The following COL6A3 variants were observed in gnomAD, a reference collection of about 807,000 sequenced individuals.
The protein encoded by COL6A3 is collagen alpha-3(VI) chain.
In COL6A3, 137 loss-of-function variants were observed where a neutral mutation model predicts 274.1. The observed-to-expected ratio is 0.50, with a 90% CI of 0.44 to 0.58. The LOEUF (loss-of-function observed/expected upper bound fraction) is 0.58. Among genes scored for constraint, COL6A3 ranks in the 20% least tolerant of loss-of-function variants. The pLI, the probability that COL6A3 is intolerant of heterozygous loss-of-function variation, is 0.00. For synonymous variants in COL6A3, 1,650 were observed against 1,650.6 expected, an observed-to-expected ratio of 1.00 and a Z score of 0.01; for missense variants, 3,950 against 4,124.9, an observed-to-expected ratio of 0.96 and a Z score of 1.16.
At chr2:237,354,148 ATTAC>A (rs2077266530) in intron 24 of COL6A3, among the ~76,000 whole-genome samples, 1 of 151,502 alleles carries the variant, frequency 6.6e-6, no homozygotes, top group South Asian at 2.1e-4. Flanking sequence ...AGTAGCTGGA[ATTAC>A]AAGCTTACAA....
At chr2:237,337,606 A>G (rs1357607881) in intron 39 of COL6A3, among the ~76,000 whole-genome samples, 1 of 152,218 alleles carries the variant, frequency 6.6e-6, no homozygotes, top group Non-Finnish European at 1.5e-5. Context: ...TTGCGTTCAC[A>G]TCTCATCTGT....
intron 26 of COL6A3, 44 bp from the exon 27 acceptor site, chr2:237,351,236 T>C (rs1457940858): frequency 1.9e-6 from 3 of 1,593,206 alleles, no homozygotes; most frequent in Middle Eastern, 3.3e-4. Flanking sequence ...TGGCCAACCG[T>C]CCAGGCAAAT....
chr2:237,351,058 A>G, intron 27 of COL6A3, 72 bp downstream of exon 27: 1 of 1,439,934 alleles, frequency 6.9e-7, no homozygotes, highest in Non-Finnish European at 9.8e-7. Context: ...CAGACTGACC[A>G]AAGAGGGAGA....
intron 25 of COL6A3, among the ~76,000 whole-genome samples, chr2:237,352,830 T>G (rs138327763): frequency 6.6e-6 from 1 of 152,196 alleles, no homozygotes; most frequent in African/African-American, 2.4e-5. Context: ...TAGGAGAATC[T>G]TCACAGAAGC....
At chr2:237,393,319 G>A (rs997576315) in intron 3 of COL6A3, among the ~76,000 whole-genome samples, 2 of 152,112 alleles carry the variant, frequency 1.3e-5, no homozygotes, top group African/African-American at 2.4e-5. Context: ...CTTCCTGAAT[G>A]TTTTGTGACC....
At position 237,339,123 on chromosome 2, in the gene COL6A3, GA is replaced by G. The variant is rs111494366; in HGVS notation, c.8465-7del. ...CAAGTAAAAAGCATTTTCACCTAAA[GA>G]AAAAAAACAAAGAAAACAATTGAAC... On this transcript the variant is annotated splice_polypyrimidine_tract_variant and splice_region_variant and intron_variant, in intron 38 of 43. Coordinates refer to ENST00000295550, the MANE Select transcript of COL6A3 (RefSeq NM_004369.4). 8.6e-4 allele frequency: 1,366 copies of G among 1,597,396 alleles called. 17 individuals carry two copies. In the African/African-American group the frequency reaches 0.013, roughly 15 times the overall value.
At chr2:237,347,951 A>G (rs2077129562) in intron 30 of COL6A3, 82 bp from the exon 31 acceptor site, 2 of 1,311,584 alleles carry the variant, frequency 1.5e-6, no homozygotes, top group African/African-American at 1.5e-5. Flanking sequence ...GACATCCAGG[A>G]GACGTGTGGG....
rs549305354 is a variant in COL6A3, at chr2:237,340,426, C to T, written c.8464+26G>A. ...GCCCGAGCATAAAGCCAGGCCAGGG[C>T]ACATGCTGTGCCACGCAGGACTTAC... On this transcript the variant is annotated intron_variant, in intron 38 of 43. Coordinates refer to ENST00000295550, the MANE Select transcript of COL6A3 (RefSeq NM_004369.4). The T allele has an allele frequency of 6.9e-6, 11 of 1,604,604 alleles. No individual in the cohort carries two copies. The African/African-American group carries it at 8.0e-5, about 12-fold the overall frequency.
At chr2:237,390,888 A>G (rs1409011518) in intron 3 of COL6A3, among the ~76,000 whole-genome samples, 1 of 152,234 alleles carries the variant, frequency 6.6e-6, no homozygotes, top group Non-Finnish European at 1.5e-5. Context: ...TTTATATCTC[A>G]GGTATATTCA....
At chr2:237,325,299 T>C (rs1446940826) in intron 43 of COL6A3, among the ~76,000 whole-genome samples, 2 of 152,222 alleles carry the variant, frequency 1.3e-5, no homozygotes, top group African/African-American at 4.8e-5. Flanking sequence ...GAATCATTTT[T>C]GGTGCAATAT....
chr2:237,395,298 A>G, intron 2 of COL6A3, 94 bp from the exon 3 acceptor site: 1 of 1,296,516 alleles, frequency 7.7e-7, no homozygotes. Context: ...GGTTTACACT[A>G]TACTGCTACT....
chr2:237,345,976 G>A (rs534665994), intron 32 of COL6A3, among the ~76,000 whole-genome samples: 31 of 152,148 alleles, frequency 2.0e-4, no homozygotes, highest in African/African-American at 7.2e-4. Flanking sequence ...GACAATATAT[G>A]GAGAAATTCA....
chr2:237,336,649 T>C, intron 39 of COL6A3, 117 bp from the exon 40 acceptor site: 5 of 1,039,012 alleles, frequency 4.8e-6, no homozygotes, highest in Non-Finnish European at 2.9e-6. Context: ...ATAGTTTTTA[T>C]AGATTATGTA....
In COL6A3 at chr2:237,344,618, G is replaced by A. The variant is rs111803773; in HGVS notation, c.7400C>T (p.Ser2467Leu). Reference sequence around the variant, plus strand: ...GTTCTTAATCTTGTCCAGGAGGACCGACTTCCTCTTGGAGTCAGCAAACCG... The same window carrying A: ...GTTCTTAATCTTGTCCAGGAGGACCAACTTCCTCTTGGAGTCAGCAAACCG... ...EIRFADSKRK[S>L]VLLDKIKNLQ... The change falls in exon 36 of 44, where the codon TCG (serine) becomes TTG (leucine). Residue 2467 changes from serine (S) to leucine (L), a missense_variant. By Grantham distance (145) the Ser-to-Leu change is moderately radical. This residue lies in a region of COL6A3 where 1,284 missense variants were observed against 1,349.7 expected (regional missense o/e 0.95). Coordinates refer to ENST00000295550, the MANE Select transcript of COL6A3 (RefSeq NM_004369.4). The surrounding 1 kb of genome is among the most constrained non-coding windows in gnomAD (Gnocchi z 4.8). 3.9e-4 allele frequency: 626 copies of A among 1,614,152 alleles called. 5 individuals are homozygous for A. The African/African-American group carries it at 7.0e-3, about 18-fold the overall frequency.
intron 42 of COL6A3, among the ~76,000 whole-genome samples, chr2:237,330,793 G>A (rs961349063): frequency 6.6e-6 from 1 of 152,148 alleles, no homozygotes; most frequent in African/African-American, 2.4e-5. Flanking sequence ...ATTAACATAT[G>A]CAAACGAAAA....
chr2:237,400,166 G>A (rs891772883), intron 1 of COL6A3, among the ~76,000 whole-genome samples: 1 of 152,162 alleles, frequency 6.6e-6, no homozygotes, highest in Non-Finnish European at 1.5e-5. Context: ...AGGGTTTGAA[G>A]GTTAAAAAGA....
At chr2:237,372,370 C>T (rs1190475284) in intron 8 of COL6A3, 33 bp from the exon 9 acceptor site, 1 of 1,600,564 alleles carries the variant, frequency 6.2e-7, no homozygotes, top group East Asian at 2.2e-5. Context: ...GCTTCACCTT[C>T]ATCGTCACCA....
At chr2:237,381,577 T>C in intron 4 of COL6A3, 78 bp from the exon 5 acceptor site, 2 of 1,214,874 alleles carry the variant, frequency 1.6e-6, no homozygotes, top group South Asian at 2.5e-5. Flanking sequence ...CAAAGCTAAC[T>C]CCATTTAAAG....
intron 17 of COL6A3, 94 bp downstream of exon 17, chr2:237,359,994 C>G: frequency 1.5e-6 from 2 of 1,314,814 alleles, no homozygotes; most frequent in Non-Finnish European, 2.2e-6. Flanking sequence ...GGTCAAGAAG[C>G]CTGGACCAGC....
Sources: gnomAD v4.1 joint callset for allele counts (sites outside exome capture counted in the v4.1 genomes callset) on GRCh38, gnomAD v4.1.1 for gene constraint, gnomAD v4.1.1 regional missense constraint, Gnocchi (gnomAD v3.1) non-coding constraint, MANE v1.5 for transcripts, NCBI Gene and HGNC (gene_info 2026-07-23, HGNC 2026-07-21) for gene names.